Variants in TNK2 observed in about 807,000 individuals in gnomAD.
TNK2 encodes tyrosine kinase non receptor 2, also known as activated CDC42 kinase 1.
A neutral mutation model predicts 101.8 loss-of-function variants in TNK2; 83 were observed. The ratio of observed to expected loss-of-function variants is 0.82; its 90% CI spans 0.68 to 0.98. The LOEUF (loss-of-function observed/expected upper bound fraction) is 0.98. Among genes scored for constraint, TNK2 ranks in the 50% least tolerant of loss-of-function variants. The pLI is 0.00. For synonymous variants in TNK2, 804 were observed against 633.0 expected, an observed-to-expected ratio of 1.27 and a Z score of -4.06; for missense variants, 1,665 against 1,483.2, an observed-to-expected ratio of 1.12 and a Z score of -2.01.
intron 1 of TNK2, among the ~76,000 whole-genome samples, chr3:195,890,043 G>A (rs746329052): frequency 6.6e-6 from 1 of 152,240 alleles, no homozygotes; most frequent in South Asian, 2.1e-4. Context: ...TGCCAACACA[G>A]TGCCAGTTCC....
At chr3:195,872,208 G>T in intron 10 of TNK2, 68 bp downstream of exon 10, 3 of 1,561,092 alleles carry the variant, frequency 1.9e-6, no homozygotes, top group Non-Finnish European at 2.6e-6. Context: ...CCGCCCACGC[G>T]TGCCGTGCTG....
In TNK2 at chr3:195,868,230, C is replaced by G. The variant is rs1742273343; in HGVS notation, c.2068G>C (p.Glu690Gln). ...QGQTNYAFVP[E>Q]QARPPPPLED... ...AGGGGAGGGGGCGGCCGCGCCTGCTCAGGCACAAAGGCGTAGTTGGTCTGG... is the reference window on the plus strand; with the variant it reads ...AGGGGAGGGGGCGGCCGCGCCTGCTGAGGCACAAAGGCGTAGTTGGTCTGG... Residue 690 changes from glutamate to glutamine, a missense_variant, in exon 13 of 16, where the codon GAG becomes CAG. Physicochemically the swap from Glu to Gln is conservative, Grantham distance 29. Around this residue, in one of 3 missense-constraint regions of TNK2, gnomAD observed 1,136 missense variants for 894.9 expected, o/e 1.27. Coordinates refer to ENST00000672887, the MANE Select transcript of TNK2 (RefSeq NM_001382273.1). 1.2e-6 allele frequency: 2 copies of G among 1,606,094 alleles called. No homozygotes were observed. The highest frequency in any genetic ancestry group is 2.7e-5 in the African/African-American group (2 of 74,830).
chr3:195,895,786 G>T (rs1760322079), intron 1 of TNK2: 3 of 219,914 alleles, frequency 1.4e-5, no homozygotes, highest in Middle Eastern at 1.5e-3. Flanking sequence ...AGGGGCCTCC[G>T]TCCGACTCCA....
chr3:195,907,445 G>A (rs982195353), intron 1 of TNK2, among the ~76,000 whole-genome samples: 1 of 152,200 alleles, frequency 6.6e-6, no homozygotes, highest in Non-Finnish European at 1.5e-5. Flanking sequence ...GCCACACCTC[G>A]GGCTGGGGCA....
Position 195,882,253 on chromosome 3 carries a change from G to A in TNK2, c.685C>T (p.Leu229=), listed in dbSNP as rs1182738260. 6.2e-7 allele frequency: 1 copy of A among 1,613,588 alleles called. No individual in the cohort carries two copies. Among genetic ancestry groups the A allele is most frequent in the Non-Finnish European group, 8.5e-7 (1 of 1,180,020 alleles). The change falls in exon 6 of 16, where the codon CTG becomes TTG. Residue 229 remains leucine, a synonymous_variant. Coordinates refer to ENST00000672887, the MANE Select transcript of TNK2 (RefSeq NM_001382273.1). The surrounding 1 kb of genome is among the most constrained non-coding windows in gnomAD (Gnocchi z 4.2). ...KHQGHFLLGT[L]SRYAVQVAEG... The stretch of plus-strand genomic sequence containing the variant: ...GCCACCTGCACAGCGTAGCGGCTCA[G>A]AGTCCCCAGGAGGAAGTGGCCCTGG...
chr3:195,900,909 T>C (rs954058250), intron 1 of TNK2, among the ~76,000 whole-genome samples: 16 of 152,108 alleles, frequency 1.1e-4, no homozygotes, highest in Non-Finnish European at 1.5e-5. Flanking sequence ...CCCCAAGCCC[T>C]ACGCAAGAGT....
chr3:195,869,426 AC>A, intron 12 of TNK2, 70 bp downstream of exon 12: 1 of 1,145,218 alleles, frequency 8.7e-7, no homozygotes, highest in Non-Finnish European at 1.2e-6. Flanking sequence ...CAGGCTCTGT[AC>A]CTTCCAGGAG....
At chr3:195,867,112 C>T in intron 14 of TNK2, 57 bp downstream of exon 14, 1 of 1,607,926 alleles carries the variant, frequency 6.2e-7, no homozygotes, top group Non-Finnish European at 8.5e-7. Context: ...GGGCTGGGGG[C>T]AGCAGAACCA....
intron 2 of TNK2, among the ~76,000 whole-genome samples, chr3:195,887,853 T>A (rs199599216): frequency 1.0e-5 from 1 of 98,110 alleles, no homozygotes. Flanking sequence ...TGTGTGTGCG[T>A]GTCTGTGTGC....
intron 1 of TNK2, among the ~76,000 whole-genome samples, chr3:195,893,513 C>CA (rs1759424968): frequency 6.6e-6 from 1 of 152,148 alleles, no homozygotes; most frequent in Admixed American, 6.5e-5. Flanking sequence ...TAACCCCTGA[C>CA]ACAGACCACG....
At position 195,867,670 on chromosome 3, in the gene TNK2, CAAGTAA is replaced by C; in HGVS notation, c.2622_2627del (p.Tyr874_Leu876delinsTer). 1 of 1,607,486 alleles carries C rather than the reference CAAGTAA, an allele frequency of 6.2e-7. No individual in the cohort carries two copies. Among genetic ancestry groups the C allele is most frequent in the Non-Finnish European group, 8.5e-7 (1 of 1,179,602 alleles). On this transcript the variant is annotated stop_gained and inframe_deletion, in exon 13 of 16. Coordinates refer to ENST00000672887, the MANE Select transcript of TNK2 (RefSeq NM_001382273.1). LOFTEE classifies it high-confidence loss of function. The stretch of plus-strand genomic sequence containing the variant: ...CCAGGTAGGATGGTCGCTCGGGCAG[CAAGTAA>C]TAGTGGGTGCTGCTGACCTTCTTGC...
chr3:195,883,106 A>G (rs368846561), intron 5 of TNK2, 51 bp downstream of exon 5: 197 of 1,589,062 alleles, frequency 1.2e-4, no homozygotes, highest in Non-Finnish European at 1.6e-4. Flanking sequence ...AACCACACAT[A>G]TGGGACCGGA....
intron 1 of TNK2, among the ~76,000 whole-genome samples, chr3:195,899,306 T>A (rs1199282260): frequency 3.9e-5 from 6 of 152,078 alleles, no homozygotes; most frequent in Non-Finnish European, 7.3e-5. Flanking sequence ...AACTACACAA[T>A]AATACATGTG....
In TNK2 at chr3:195,869,509, AG is replaced by A; in HGVS notation, c.1575del (p.Phe526SerfsTer11). The stretch of plus-strand genomic sequence containing the variant: ...CAGCCCCACTTACTCTGAGTGAAGA[AG>A]GCAGGCTGAGGTGGGCGAGGTGGAG... ...REPPPRPPQP[A>X]FFTQKPTYDP... is the part of the protein sequence containing the mutation. On this transcript the variant is annotated frameshift_variant, in exon 12 of 16. Transcript: ENST00000672887. LOFTEE classifies it high-confidence loss of function. 1 of 1,550,966 alleles carries A rather than the reference AG, an allele frequency of 6.4e-7. No homozygotes were observed. The highest frequency in any genetic ancestry group is 8.7e-7 in the Non-Finnish European group (1 of 1,146,970).
At position 195,868,680 on chromosome 3, in the gene TNK2, G is replaced by A; in HGVS notation, c.1618C>T (p.Gln540Ter). The A allele has an allele frequency of 6.3e-7, 1 of 1,592,148 alleles. No homozygotes were observed. The highest frequency in any genetic ancestry group is 8.5e-7 in the Non-Finnish European group (1 of 1,177,310). ...KPTYDPVSED[Q>*]DPLSSDFKRL... ...TTGAAGTCGCTGGACAAGGGGTCTTGGTCCTCGCTCACAGGGTCATAGGTT... is the reference window on the plus strand; with the variant it reads ...TTGAAGTCGCTGGACAAGGGGTCTTAGTCCTCGCTCACAGGGTCATAGGTT... Residue 540 changes from glutamine to a stop codon, truncating the protein, a stop_gained, in exon 13 of 16, where the codon CAA becomes TAA. Coordinates refer to ENST00000672887, the MANE Select transcript of TNK2 (RefSeq NM_001382273.1). LOFTEE classifies it high-confidence loss of function.
chr3:195,865,631 C>T (rs554874871), intron 15 of TNK2, among the ~76,000 whole-genome samples: 13 of 148,436 alleles, frequency 8.8e-5, no homozygotes, highest in African/African-American at 3.3e-4. Context: ...TCAGTAAGAA[C>T]CACCCGAGAC....
At position 195,888,317 on chromosome 3, in the gene TNK2, C is replaced by T; in HGVS notation, c.163+109G>A. The T allele has an allele frequency of 8.2e-7, 1 of 1,221,874 alleles. No homozygotes were observed. Among genetic ancestry groups the T allele is most frequent in the Non-Finnish European group, 1.2e-6 (1 of 859,240 alleles). The allele number at this position is 1,221,874 out of a possible 1,614,324, so 75.7% of individuals were successfully genotyped here. On this transcript the variant is annotated intron_variant, in intron 2 of 15. Transcript: ENST00000672887. This position sits in a 1 kb window ranked among gnomAD's most constrained non-coding sequence, Gnocchi z 5.3. The stretch of plus-strand genomic sequence containing the variant: ...CCTACTGATGTCCCTCCTGCTCCCT[C>T]AGGGCTCTGGGACAGAGTTCTCAGC...
At chr3:195,874,582 C>T (rs1747879956) in intron 9 of TNK2, among the ~76,000 whole-genome samples, 2 of 122,506 alleles carry the variant, frequency 1.6e-5, no homozygotes, top group Admixed American at 7.8e-5. Flanking sequence ...AAGAAGCTCC[C>T]CCTCGGGATG....
At position 195,863,854 on chromosome 3, in the gene TNK2, A is replaced by G. The variant is rs1277985049; in HGVS notation, c.*327T>C. 1.4e-5 allele frequency: 5 copies of G among 355,078 alleles called. No individual in the cohort carries two copies. In the Admixed American group the frequency reaches 2.1e-4, roughly 15 times the overall value. The allele number at this position is 355,078 out of a possible 1,614,324, so 22.0% of individuals were successfully genotyped here. Reference sequence around the variant, plus strand: ...GGGCAGGGCCTGGGGGTACTACTCCACCCACAGGCCCCGCCCAGGACCAGG... The same window carrying G: ...GGGCAGGGCCTGGGGGTACTACTCCGCCCACAGGCCCCGCCCAGGACCAGG... On this transcript the variant is annotated 3_prime_UTR_variant, in exon 16 of 16. Coordinates refer to ENST00000672887, the MANE Select transcript of TNK2 (RefSeq NM_001382273.1).
Sources: allele counts gnomAD v4.1 joint callset (sites outside exome capture counted in the v4.1 genomes callset), GRCh38; gene constraint gnomAD v4.1.1; regional missense constraint gnomAD v4.1.1; non-coding constraint Gnocchi (gnomAD v3.1); transcripts MANE v1.5; gene names NCBI Gene and HGNC (gene_info 2026-07-23, HGNC 2026-07-21).